HECW1: variants seen among roughly 807,000 people sequenced by gnomAD.
The protein encoded by HECW1 is HECT, C2 and WW domain containing E3 ubiquitin protein ligase 1, also known as E3 ubiquitin-protein ligase HECW1.
HECW1 carries 61 observed loss-of-function variants against 182.3 expected under a neutral mutation model. The ratio of observed to expected loss-of-function variants is 0.33; its 90% CI spans 0.27 to 0.41. The LOEUF (loss-of-function observed/expected upper bound fraction) is 0.41, where lower values mean the gene tolerates loss of function less well. HECW1 is among the 10% of genes least tolerant of loss of function. The pLI is 1.00. For synonymous variants in HECW1, 859 were observed against 832.6 expected, an observed-to-expected ratio of 1.03 and a Z score of -0.55; for missense variants, 1,739 against 2,108.9, an observed-to-expected ratio of 0.82 and a Z score of 3.44.
At chr7:43,239,320 G>A (rs1798661690) in intron 2 of HECW1, 2 of 152,326 alleles carry the variant, frequency 1.3e-5, no homozygotes, top group Middle Eastern at 3.4e-3. Flanking sequence ...CAAAATATGT[G>A]CAACTGAGCT....
chr7:43,527,108 T>C (rs2080790020), intron 24 of HECW1, among the ~76,000 whole-genome samples: 1 of 152,226 alleles, frequency 6.6e-6, no homozygotes. Flanking sequence ...AACTAGACAC[T>C]GTATCTCATT....
chr7:43,503,984 C>A (rs2152925847), intron 21 of HECW1, among the ~76,000 whole-genome samples: 1 of 152,288 alleles, frequency 6.6e-6, no homozygotes, highest in African/African-American at 2.4e-5. Context: ...TTCCCTCAGG[C>A]CCAGGTGTTT....
At chr7:43,319,389 G>A (rs1429504296) in intron 4 of HECW1, among the ~76,000 whole-genome samples, 1 of 48,750 alleles carries the variant, frequency 2.1e-5, no homozygotes, top group East Asian at 6.9e-4. Flanking sequence ...GCGAGACTCC[G>A]TCTCAAAAAA....
chr7:43,210,450 A>AGTGTGTGTGTGTGTGTGTGT (rs57987187), intron 2 of HECW1, among the ~76,000 whole-genome samples: 18 of 145,508 alleles, frequency 1.2e-4, no homozygotes, highest in African/African-American at 4.6e-4. Flanking sequence ...AGTAGAAGTG[A>AGTGTGTGTGTGTGTGTGTGT]GTGTGTGTGT....
chr7:43,485,300 G>C (rs1246088353), intron 17 of HECW1, among the ~76,000 whole-genome samples: 1 of 152,216 alleles, frequency 6.6e-6, no homozygotes, highest in African/African-American at 2.4e-5. Flanking sequence ...CTTTTGGGGA[G>C]AGTAATTGCT....
intron 5 of HECW1, among the ~76,000 whole-genome samples, chr7:43,325,787 G>A (rs945084639): frequency 2.6e-5 from 4 of 152,084 alleles, no homozygotes; most frequent in African/African-American, 4.8e-5. Flanking sequence ...TCTTAGGCTC[G>A]GCCTGTCTTG....
intron 19 of HECW1, among the ~76,000 whole-genome samples, chr7:43,497,616 A>G (rs2079170281): frequency 6.6e-6 from 1 of 152,196 alleles, no homozygotes; most frequent in African/African-American, 2.4e-5. Flanking sequence ...GGGGCTATGC[A>G]GGAGACTATT....
chr7:43,318,340 C>T (rs1809603473), intron 4 of HECW1, among the ~76,000 whole-genome samples: 1 of 152,176 alleles, frequency 6.6e-6, no homozygotes, highest in Admixed American at 6.5e-5. Context: ...GAGGCAATTA[C>T]TGTAAAAGAT....
Position 43,243,960 on chromosome 7 carries a change from A to T in HECW1, c.27+28A>T. 6.4e-7 allele frequency: 1 copy of T among 1,561,324 alleles called. No homozygotes were observed. Among genetic ancestry groups the T allele is most frequent in the Non-Finnish European group, 8.8e-7 (1 of 1,132,042 alleles). ...CAGTGTGCTTTTCTGATTATAAGAA[A>T]CCATCCATGTCATTCCATTATAAAC... On this transcript the variant is annotated intron_variant, in intron 3 of 29. Coordinates refer to ENST00000395891, the MANE Select transcript of HECW1 (RefSeq NM_015052.5). The surrounding 1 kb of genome is among the most constrained non-coding windows in gnomAD (Gnocchi z 4.0).
intron 2 of HECW1, among the ~76,000 whole-genome samples, chr7:43,190,113 CTTTG>C (rs750901702): frequency 7.3e-5 from 11 of 150,972 alleles, no homozygotes; most frequent in African/African-American, 1.5e-4. Flanking sequence ...TGTTTGTTTG[CTTTG>C]TTTGTTTGTT....
intron 2 of HECW1, among the ~76,000 whole-genome samples, chr7:43,214,511 A>G (rs1796273659): frequency 6.6e-6 from 1 of 152,220 alleles, no homozygotes; most frequent in Non-Finnish European, 1.5e-5. Flanking sequence ...TTATCAAAAA[A>G]TAGCTGTTTA....
chr7:43,362,560 G>A (rs181140027), intron 6 of HECW1, among the ~76,000 whole-genome samples: 4 of 152,334 alleles, frequency 2.6e-5, no homozygotes, highest in South Asian at 4.1e-4. Context: ...TTCCAGGCCC[G>A]TTTGTTTGGG....
chr7:43,514,460 T>C (rs530792565), intron 24 of HECW1, among the ~76,000 whole-genome samples: 66 of 152,260 alleles, frequency 4.3e-4, no homozygotes, highest in African/African-American at 1.5e-3. Flanking sequence ...AGCTAATTTT[T>C]GTATTTTTAG....
In HECW1 at chr7:43,488,374, G is replaced by A. The variant is rs193007674; in HGVS notation, c.3235-3701G>A. On this transcript the variant is annotated intron_variant, in intron 17 of 29. Transcript: ENST00000395891. ...AGGAAGGAAGGAAGGAAGGAAGGAA[G>A]GAAGGAAGGAAGGAAGGAAGGAAGG... 8.1e-4 allele frequency among the ~76,000 whole-genome samples: 81 copies of A among 100,068 alleles called. 2 individuals carry two copies. The highest frequency in any genetic ancestry group is 1.6e-3 in the Non-Finnish European group (71 of 45,772). The allele number at this position is 100,068 out of a possible 152,430, so 65.6% of individuals were successfully genotyped here.
At chr7:43,499,341 T>C (rs7792705) in intron 19 of HECW1, among the ~76,000 whole-genome samples, 41,752 of 151,764 alleles carry the variant, frequency 0.28, 5,812 homozygotes, top group South Asian at 0.38. Flanking sequence ...TGGCGGTGCA[T>C]GCCTATAATC....
chr7:43,245,246 C>T (rs1047531625), intron 3 of HECW1: 4 of 152,218 alleles, frequency 2.6e-5, no homozygotes, highest in African/African-American at 9.7e-5. Flanking sequence ...TCAGCAAAGC[C>T]TTGATTTCCC....
chr7:43,347,669 A>G (rs996410047), intron 5 of HECW1, among the ~76,000 whole-genome samples: 1 of 151,840 alleles, frequency 6.6e-6, no homozygotes, highest in African/African-American at 2.4e-5. Context: ...TTTGTCATAG[A>G]TGGCTTTTAT....
At chr7:43,194,523 T>G (rs1794241212) in intron 2 of HECW1, 1 of 152,200 alleles carries the variant, frequency 6.6e-6, no homozygotes, top group Non-Finnish European at 1.5e-5. Context: ...AGCCTGTGTG[T>G]GTGCTCCCTG....
chr7:43,113,510 G>C, intron 1 of HECW1: 1 of 170,642 alleles, frequency 5.9e-6, no homozygotes, highest in Non-Finnish European at 1.3e-5. Context: ...ACGGGTGCAG[G>C]AGGGGAGGAG....
Sources: allele counts gnomAD v4.1 joint callset (sites outside exome capture counted in the v4.1 genomes callset), GRCh38; gene constraint gnomAD v4.1.1; non-coding constraint Gnocchi (gnomAD v3.1); transcripts MANE v1.5; gene names NCBI Gene and HGNC (gene_info 2026-07-23, HGNC 2026-07-21).